CPNE8: variants seen among roughly 807,000 people sequenced by gnomAD.
CPNE8 encodes copine-8.
In CPNE8, 45 loss-of-function variants were observed where a neutral mutation model predicts 81.5. That is an observed-to-expected ratio of 0.55 (90% CI 0.44 to 0.71). The LOEUF is 0.71. CPNE8 is among the 30% of genes least tolerant of loss of function. CPNE8 has a pLI of 0.00. For synonymous variants in CPNE8, 252 were observed against 226.3 expected (o/e 1.11, Z -1.02); for missense variants, 594 against 672.1 (o/e 0.88, Z 1.28).
chr12:38,654,144 T>C lies in CPNE8; in HGVS notation c.1507-74A>G, dbSNP rs942275633. 12 of 1,467,766 alleles carry C rather than the reference T, an allele frequency of 8.2e-6. 1 individual carries two copies. In the East Asian group the frequency reaches 1.8e-4, roughly 21 times the overall value. The allele number at this position is 1,467,766 out of a possible 1,614,324, so 90.9% of individuals were successfully genotyped here. ...GTAATAAACACAAAAAATCAACACATGTACACATTTGGTCATAGGAAAATC... is the reference window on the plus strand; with the variant it reads ...GTAATAAACACAAAAAATCAACACACGTACACATTTGGTCATAGGAAAATC... On this transcript the variant is annotated intron_variant, in intron 19 of 19. Transcript: ENST00000331366.
intron 1 of CPNE8, among the ~76,000 whole-genome samples, chr12:38,890,871 A>T (rs1164169860): frequency 6.7e-6 from 1 of 149,806 alleles, no homozygotes; most frequent in African/African-American, 2.4e-5. Flanking sequence ...TAAGCGAATT[A>T]TCTGTCAACA....
chr12:38,746,852 G>A lies in CPNE8; in HGVS notation c.722+13995C>T, dbSNP rs140481406. 5.3e-3 allele frequency among the ~76,000 whole-genome samples: 810 copies of A among 152,280 alleles called. 2 individuals are homozygous for A. The highest frequency in any genetic ancestry group is 7.7e-3 in the Non-Finnish European group (521 of 68,006). On this transcript the variant is annotated intron_variant, in intron 10 of 19. Coordinates refer to ENST00000331366, the MANE Select transcript of CPNE8 (RefSeq NM_153634.3). ...GAATCCTATATATAAAAAAGAGATT[G>A]AATTTGCATATGACTTAGATGGTTT... is the stretch of plus-strand genomic sequence containing the variant.
chr12:38,715,703 G>C (rs1940369548), intron 13 of CPNE8, among the ~76,000 whole-genome samples: 1 of 152,018 alleles, frequency 6.6e-6, no homozygotes, highest in Non-Finnish European at 1.5e-5. Context: ...ATGGAGAAAA[G>C]TTGAAAGCAT....
chr12:38,854,083 G>C (rs560975666), intron 3 of CPNE8, among the ~76,000 whole-genome samples: 1 of 151,960 alleles, frequency 6.6e-6, no homozygotes, highest in Non-Finnish European at 1.5e-5. Flanking sequence ...GAGTAAATTA[G>C]ATGAGTACGG....
At chr12:38,768,416 G>A (rs1006557895) in intron 7 of CPNE8, among the ~76,000 whole-genome samples, 1 of 152,066 alleles carries the variant, frequency 6.6e-6, no homozygotes, top group African/African-American at 2.4e-5. Context: ...ACAAGCTAGG[G>A]TATCATAACA....
intron 6 of CPNE8, among the ~76,000 whole-genome samples, chr12:38,785,897 A>G (rs191013210): frequency 6.6e-6 from 1 of 152,338 alleles, no homozygotes; most frequent in African/African-American, 2.4e-5. Flanking sequence ...ACCACAAACA[A>G]GAAAATACAA....
rs1943251754 is a variant in CPNE8 at position 38,829,528 on chromosome 12, C to A, written c.331-73G>T. ...TACAGTATATGTTTTGTACATCATA[C>A]ATCTGCATTGTTTTCATTGCTGAAA... On this transcript the variant is annotated intron_variant, in intron 5 of 19. Transcript: ENST00000331366. The A allele has an allele frequency of 1.8e-5, 18 of 1,004,022 alleles. No individual in the cohort carries two copies. The South Asian group carries it at 2.2e-4, about 12-fold the overall frequency. The allele number at this position is 1,004,022 out of a possible 1,614,324, so 62.2% of individuals were successfully genotyped here.
chr12:38,694,405 A>G (rs1052260424), intron 14 of CPNE8, among the ~76,000 whole-genome samples: 15 of 152,230 alleles, frequency 9.9e-5, no homozygotes, highest in African/African-American at 3.6e-4. Flanking sequence ...GCTAGGAGCC[A>G]GAGGCCAGAG....
At chr12:38,700,011 T>G (rs1222280451) in intron 14 of CPNE8, among the ~76,000 whole-genome samples, 1 of 152,152 alleles carries the variant, frequency 6.6e-6, no homozygotes, top group Non-Finnish European at 1.5e-5. Flanking sequence ...CCATCTGCAA[T>G]AAGGATACTT....
chr12:38,823,643 T>C (rs932064184), intron 6 of CPNE8, among the ~76,000 whole-genome samples: 3 of 152,208 alleles, frequency 2.0e-5, no homozygotes, highest in Non-Finnish European at 4.4e-5. Flanking sequence ...CCTTTTTCCC[T>C]GATCCTTTTA....
At chr12:38,683,730 CTT>C (rs1939463436) in intron 16 of CPNE8, among the ~76,000 whole-genome samples, 1 of 152,032 alleles carries the variant, frequency 6.6e-6, no homozygotes, top group Admixed American at 6.6e-5. Flanking sequence ...AAAGATGACT[CTT>C]AAATAGCCAT....
Position 38,652,775 on chromosome 12 carries a change from T to G in CPNE8, c.*1107A>C, listed in dbSNP as rs1057456814. 2 of 152,628 alleles carry G rather than the reference T, an allele frequency of 1.3e-5. No homozygotes were observed. The highest frequency in any genetic ancestry group is 4.8e-5 in the African/African-American group (2 of 41,460). The allele number at this position is 152,628 out of a possible 1,614,324, so 9.5% of individuals were successfully genotyped here. ...CTGTACATGCAAAAACCCTTTACAA[T>G]TATTCGTGGACAGGCAGGTCAGTAT... On this transcript the variant is annotated 3_prime_UTR_variant, in exon 20 of 20. Coordinates refer to ENST00000331366, the MANE Select transcript of CPNE8 (RefSeq NM_153634.3).
intron 6 of CPNE8, among the ~76,000 whole-genome samples, chr12:38,801,500 G>A (rs1195718447): frequency 9.6e-4 from 31 of 32,152 alleles, no homozygotes; most frequent in African/African-American, 4.7e-3. Context: ...AAGAGCTCCT[G>A]AAGGAAGCGC....
intron 1 of CPNE8, among the ~76,000 whole-genome samples, chr12:38,887,368 T>C (rs1378374460): frequency 6.6e-6 from 1 of 152,144 alleles, no homozygotes; most frequent in Admixed American, 6.5e-5. Context: ...AAACTCGACT[T>C]CCATCTTACG....
At chr12:38,676,953 G>A (rs945746544) in intron 17 of CPNE8, among the ~76,000 whole-genome samples, 8 of 151,648 alleles carry the variant, frequency 5.3e-5, no homozygotes, top group Non-Finnish European at 8.8e-5. Flanking sequence ...TTACCATCTA[G>A]TAAACATAGA....
At chr12:38,880,102 AT>A (rs1944130214) in intron 1 of CPNE8, among the ~76,000 whole-genome samples, 1 of 152,248 alleles carries the variant, frequency 6.6e-6, no homozygotes, top group African/African-American at 2.4e-5. Flanking sequence ...ATGCTTTATC[AT>A]TTTGCAAACA....
chr12:38,878,837 A>G lies in CPNE8; in HGVS notation c.99-4326T>C, dbSNP rs555773575. ...CTAACTAAGCACTATCAAAAATAAT[A>G]CAATCTGCATTAAAGGTTTATTTCA... On this transcript the variant is annotated intron_variant, in intron 1 of 19. Transcript: ENST00000331366. Among the ~76,000 whole-genome samples, 4 of 152,334 alleles carry G rather than the reference A, an allele frequency of 2.6e-5. No homozygotes were observed. The South Asian group carries it at 6.2e-4, about 24-fold the overall frequency.
At chr12:38,699,555 C>A (rs1198425113) in intron 14 of CPNE8, among the ~76,000 whole-genome samples, 5 of 151,722 alleles carry the variant, frequency 3.3e-5, no homozygotes, top group African/African-American at 1.2e-4. Flanking sequence ...TCTCTTTTTC[C>A]CCTACCCTTC....
rs776240940 is a variant in CPNE8 at position 38,767,666 on chromosome 12, G to A, written c.544C>T (p.Leu182Phe). The A allele has an allele frequency of 1.3e-6, 2 of 1,564,866 alleles. No individual in the cohort carries two copies. The highest frequency in any genetic ancestry group is 1.4e-5 in the African/African-American group (1 of 71,796). Residue 182 changes from leucine (L) to phenylalanine (F), a missense_variant, in exon 8 of 20, where the codon CTT becomes TTT. Transcript: ENST00000331366. Reference sequence around the variant, plus strand: ...TCTTCATTACTTCGATAAAATACAAGGAAAGGATCTGATTTTCCAAAGAAG... The same window carrying A: ...TCTTCATTACTTCGATAAAATACAAAGAAAGGATCTGATTTTCCAAAGAAG... ...KDFFGKSDPF[L>F]VFYRSNEDGS...
Sources: allele counts gnomAD v4.1 joint callset (sites outside exome capture counted in the v4.1 genomes callset), GRCh38; gene constraint gnomAD v4.1.1; transcripts MANE v1.5; gene names NCBI Gene and HGNC (gene_info 2026-07-23, HGNC 2026-07-21).